NFATC3: variants seen among roughly 807,000 people sequenced by gnomAD.
NFATC3 encodes nuclear factor of activated T-cells, cytoplasmic 3.
In NFATC3, 46 loss-of-function variants were observed where a neutral mutation model predicts 98.6. The ratio of observed to expected loss-of-function variants is 0.47; its 90% CI spans 0.37 to 0.60. The LOEUF (loss-of-function observed/expected upper bound fraction) is 0.60. NFATC3 is among the 20% of genes least tolerant of loss of function. The pLI, the probability that NFATC3 is intolerant of heterozygous loss-of-function variation, is 0.00. For synonymous variants in NFATC3, 512 were observed against 472.2 expected, an observed-to-expected ratio of 1.08 and a Z score of -1.09; for missense variants, 1,256 against 1,295.5, an observed-to-expected ratio of 0.97 and a Z score of 0.47.
rs532698163 is a variant in NFATC3 at position 68,228,837 on chromosome 16, T to G, written c.*2366T>G. On this transcript the variant is annotated 3_prime_UTR_variant, in exon 10 of 10. Coordinates refer to ENST00000346183, the MANE Select transcript of NFATC3 (RefSeq NM_173165.3). Reference sequence around the variant, plus strand: ...GGGTTGAGGAATGGAATGGGTAGCCTTCTGCTTACTGGAGATGCACAGAGA... The same window carrying G: ...GGGTTGAGGAATGGAATGGGTAGCCGTCTGCTTACTGGAGATGCACAGAGA... 12 of 152,416 alleles carry G rather than the reference T, an allele frequency of 7.9e-5. No homozygotes were observed. The highest frequency in any genetic ancestry group is 6.5e-4 in the Admixed American group (10 of 15,298). 9.4% of individuals were successfully genotyped at this position (152,416 alleles called of 1,614,324 possible).
chr16:68,137,467 C>T (rs2037484205), intron 3 of NFATC3, among the ~76,000 whole-genome samples: 1 of 152,108 alleles, frequency 6.6e-6, no homozygotes, highest in Admixed American at 6.5e-5. Flanking sequence ...CATGACTGTA[C>T]ATTTTACAGG....
chr16:68,193,231 T>C (rs2040520457), intron 9 of NFATC3, among the ~76,000 whole-genome samples: 2 of 152,088 alleles, frequency 1.3e-5, no homozygotes, highest in African/African-American at 4.8e-5. Context: ...GTACACTGTT[T>C]TATATAAGGG....
chr16:68,085,893 T>C, intron 1 of NFATC3, 109 bp downstream of exon 1: 1 of 802,120 alleles, frequency 1.2e-6, no homozygotes, highest in Non-Finnish European at 1.8e-6. Flanking sequence ...ACCCTGTGTG[T>C]GTGTGTGCGC....
intron 5 of NFATC3, among the ~76,000 whole-genome samples, chr16:68,170,917 A>G (rs913186446): frequency 2.0e-5 from 3 of 152,128 alleles, no homozygotes; most frequent in East Asian, 1.9e-4. Context: ...ACTATCATAG[A>G]TGTTTTCTTC....
rs942831141 is a variant in NFATC3 at position 68,123,344 on chromosome 16, A to G, written c.1238+223A>G. 3.3e-5 allele frequency among the ~76,000 whole-genome samples: 5 copies of G among 152,198 alleles called. 1 individual carries two copies. In the South Asian group the frequency reaches 8.3e-4, roughly 25 times the overall value. On this transcript the variant is annotated intron_variant, in intron 2 of 9. Transcript: ENST00000346183. ...TAATTTTAAAATATATAGCTAATGA[A>G]TTGTTGATAATAATAAATTACATTT... is the stretch of plus-strand genomic sequence containing the variant.
At chr16:68,215,721 A>ATTTTT (rs2041606508) in intron 9 of NFATC3, among the ~76,000 whole-genome samples, 3 of 104,712 alleles carry the variant, frequency 2.9e-5, no homozygotes, top group Admixed American at 9.2e-5. Flanking sequence ...AGAGATTTGC[A>ATTTTT]CTTTTTTTTT....
At position 68,226,751 on chromosome 16, in the gene NFATC3, C is replaced by G. The variant is rs2042044352; in HGVS notation, c.*280C>G. On this transcript the variant is annotated 3_prime_UTR_variant, in exon 10 of 10. Coordinates refer to ENST00000346183, the MANE Select transcript of NFATC3 (RefSeq NM_173165.3). Reference sequence around the variant, plus strand: ...GCTTTGAGTGTGAATGCAGCAGGCTCTCTTGTTTCCGAGGTGCTGCTTTTG... The same window carrying G: ...GCTTTGAGTGTGAATGCAGCAGGCTGTCTTGTTTCCGAGGTGCTGCTTTTG... The G allele has an allele frequency of 4.1e-6, 1 of 241,298 alleles. No homozygotes were observed. Among genetic ancestry groups the G allele is most frequent in the Non-Finnish European group, 7.9e-6 (1 of 126,702 alleles). 14.9% of individuals were successfully genotyped at this position (241,298 alleles called of 1,614,324 possible).
chr16:68,167,807 G>GTTTTTTTTTTT (rs1263970399), intron 5 of NFATC3, among the ~76,000 whole-genome samples: 1 of 23,626 alleles, frequency 4.2e-5, no homozygotes, highest in Non-Finnish European at 1.0e-4. Context: ...AACCGTATGT[G>GTTTTTTTTTTT]TTCTTTTTTT....
intron 7 of NFATC3, among the ~76,000 whole-genome samples, chr16:68,181,925 T>G (rs556598605): frequency 1.3e-5 from 2 of 152,200 alleles, no homozygotes; most frequent in South Asian, 4.1e-4. Flanking sequence ...AGACCCTGTC[T>G]AAAAAAGTAA....
At chr16:68,162,935 T>C (rs1429007996) in intron 4 of NFATC3, among the ~76,000 whole-genome samples, 2 of 140,882 alleles carry the variant, frequency 1.4e-5, no homozygotes, top group East Asian at 4.0e-4. Context: ...GATTAGGGAG[T>C]GGTGATGACT....
chr16:68,136,349 C>T (rs2037407253), intron 3 of NFATC3, among the ~76,000 whole-genome samples: 1 of 151,982 alleles, frequency 6.6e-6, no homozygotes, highest in Non-Finnish European at 1.5e-5. Flanking sequence ...CTCGCTGCAA[C>T]CTACACTTTC....
chr16:68,085,884 C>T, intron 1 of NFATC3, 100 bp downstream of exon 1: 1 of 938,110 alleles, frequency 1.1e-6, no homozygotes, highest in Non-Finnish European at 1.5e-6. Context: ...AGACCGATAA[C>T]CCTGTGTGTG....
At chr16:68,193,344 C>G (rs2040526579) in intron 9 of NFATC3, among the ~76,000 whole-genome samples, 1 of 152,044 alleles carries the variant, frequency 6.6e-6, no homozygotes, top group South Asian at 2.1e-4. Context: ...CTGTGTACAA[C>G]CAAATCATGC....
chr16:68,098,053 G>A, intron 1 of NFATC3, among the ~76,000 whole-genome samples: 1 of 151,906 alleles, frequency 6.6e-6, no homozygotes. Context: ...ATTTTTATTG[G>A]GGAGTAGTTG....
chr16:68,189,079 C>T (rs1280962013), intron 8 of NFATC3, among the ~76,000 whole-genome samples: 1 of 152,142 alleles, frequency 6.6e-6, no homozygotes, highest in Non-Finnish European at 1.5e-5. Flanking sequence ...GTTCTTTCCC[C>T]CATTGAATGG....
At chr16:68,120,030 C>T (rs1482606294) in intron 1 of NFATC3, among the ~76,000 whole-genome samples, 1 of 151,218 alleles carries the variant, frequency 6.6e-6, no homozygotes, top group Non-Finnish European at 1.5e-5. Flanking sequence ...GTAATCCCAG[C>T]ACTTTGGGAG....
intron 5 of NFATC3, among the ~76,000 whole-genome samples, chr16:68,168,811 G>C (rs1333752461): frequency 2.6e-5 from 4 of 152,124 alleles, no homozygotes. Context: ...GGCCACATCT[G>C]CTATAAAATC....
At chr16:68,190,689 G>T in intron 8 of NFATC3, 79 bp from the exon 9 acceptor site, 2 of 1,444,728 alleles carry the variant, frequency 1.4e-6, no homozygotes, top group Admixed American at 2.2e-5. Context: ...CGCTGTAGTT[G>T]TGTAACCTAG....
intron 6 of NFATC3, among the ~76,000 whole-genome samples, chr16:68,176,219 A>G (rs2039697174): frequency 6.6e-6 from 1 of 151,438 alleles, no homozygotes; most frequent in African/African-American, 2.4e-5. Context: ...CTCACGATCC[A>G]CCCGTCTCGG....
Sources: gnomAD v4.1 joint callset for allele counts (sites outside exome capture counted in the v4.1 genomes callset) on GRCh38, gnomAD v4.1.1 for gene constraint, MANE v1.5 for transcripts, NCBI Gene and HGNC (gene_info 2026-07-23, HGNC 2026-07-21) for gene names.